Variants in GALNT13 observed in about 807,000 individuals in gnomAD.
GALNT13 encodes the protein polypeptide N-acetylgalactosaminyltransferase 13.
GALNT13 carries 28 observed loss-of-function variants against 64.2 expected under a neutral mutation model. The observed-to-expected ratio is 0.44, with a 90% CI of 0.32 to 0.60. The LOEUF is 0.60. GALNT13 is among the 20% of genes least tolerant of loss of function. The probability of loss-of-function intolerance (pLI) is 0.05; values close to 1 mark genes in which losing one functional copy is unlikely to be tolerated. For synonymous variants in GALNT13, 214 were observed against 224.6 expected, an observed-to-expected ratio of 0.95 and a Z score of 0.42; for missense variants, 577 against 669.8, an observed-to-expected ratio of 0.86 and a Z score of 1.53.
At chr2:153,090,023 T>A in the GALNT13 span, among the ~76,000 whole-genome samples, 18 of 152,176 alleles carry the variant, frequency 1.2e-4, no homozygotes, top group African/African-American at 4.3e-4. Flanking sequence ...TTTTTCATAT[T>A]ACCAGAATTA....
chr2:154,381,446 A>G (rs573836913), intron 9 of GALNT13, among the ~76,000 whole-genome samples: 1 of 152,142 alleles, frequency 6.6e-6, no homozygotes, highest in South Asian at 2.1e-4. Flanking sequence ...TCTCTCAAAT[A>G]CACTTGTAAT....
chr2:154,053,123 T>C (rs1460878624), intron 3 of GALNT13, among the ~76,000 whole-genome samples: 1 of 152,184 alleles, frequency 6.6e-6, no homozygotes, highest in African/African-American at 2.4e-5. Context: ...TTGATAGAAA[T>C]TCAGTTGAAC....
At chr2:153,954,452 T>C (rs1021440420) in intron 3 of GALNT13, among the ~76,000 whole-genome samples, 1 of 152,062 alleles carries the variant, frequency 6.6e-6, no homozygotes, top group African/African-American at 2.4e-5. Flanking sequence ...TTATAAAATT[T>C]TGACCGCTGA....
the GALNT13 span, among the ~76,000 whole-genome samples, chr2:153,715,272 A>C: frequency 1.3e-5 from 2 of 152,262 alleles, no homozygotes; most frequent in East Asian, 3.8e-4. Flanking sequence ...AATTGCTACC[A>C]GTAGCTGAGG....
chr2:154,057,924 T>G (rs1451058531), intron 3 of GALNT13, among the ~76,000 whole-genome samples: 1 of 152,184 alleles, frequency 6.6e-6, no homozygotes, highest in African/African-American at 2.4e-5. Context: ...ATATATTAAT[T>G]TATCCGTTTA....
At chr2:153,635,010 A>T in the GALNT13 span, among the ~76,000 whole-genome samples, 1 of 152,130 alleles carries the variant, frequency 6.6e-6, no homozygotes, top group Admixed American at 6.6e-5. Flanking sequence ...ATTAGGTGCT[A>T]AAGCAGAGTG....
chr2:153,729,717 A>C, the GALNT13 span, among the ~76,000 whole-genome samples: 1 of 152,058 alleles, frequency 6.6e-6, no homozygotes, highest in Non-Finnish European at 1.5e-5. Flanking sequence ...ATGATCTTAT[A>C]CCTAAAAAAT....
intron 12 of GALNT13, among the ~76,000 whole-genome samples, chr2:154,448,995 T>G (rs543398757): frequency 1.1e-4 from 17 of 152,010 alleles, no homozygotes; most frequent in Non-Finnish European, 2.4e-4. Context: ...TAACTAGAAC[T>G]GTCTAGAAAA....
chr2:154,269,218 A>T (rs1221811129), intron 8 of GALNT13, among the ~76,000 whole-genome samples: 1 of 152,118 alleles, frequency 6.6e-6, no homozygotes, highest in East Asian at 1.9e-4. Flanking sequence ...CAGACTTTTT[A>T]AAAATACTTA....
At chr2:153,124,262 T>C in the GALNT13 span, among the ~76,000 whole-genome samples, 54 of 152,356 alleles carry the variant, frequency 3.5e-4, no homozygotes, top group Admixed American at 2.9e-3. Context: ...AAATCTTCAC[T>C]GTATTCTTAT....
At chr2:153,189,666 A>T in the GALNT13 span, among the ~76,000 whole-genome samples, 14 of 152,230 alleles carry the variant, frequency 9.2e-5, no homozygotes, top group East Asian at 2.7e-3. Flanking sequence ...GTTTTTTGAG[A>T]AATCTCCATA....
At chr2:154,236,352 A>G (rs1265416436) in intron 4 of GALNT13, among the ~76,000 whole-genome samples, 1 of 152,140 alleles carries the variant, frequency 6.6e-6, no homozygotes, top group African/African-American at 2.4e-5. Flanking sequence ...TTGAACTTCC[A>G]AAGAGTTTTT....
the GALNT13 span, among the ~76,000 whole-genome samples, chr2:153,116,094 T>C: frequency 6.6e-6 from 1 of 152,178 alleles, no homozygotes; most frequent in Non-Finnish European, 1.5e-5. Flanking sequence ...TTACATTATA[T>C]ATAAAGGACA....
At chr2:154,122,377 G>C (rs971186657) in intron 3 of GALNT13, among the ~76,000 whole-genome samples, 1 of 151,720 alleles carries the variant, frequency 6.6e-6, no homozygotes, top group East Asian at 1.9e-4. Flanking sequence ...AAGAGGTATT[G>C]GTCCATAATT....
chr2:154,127,553 G>A (rs1455991640), intron 3 of GALNT13, among the ~76,000 whole-genome samples: 4 of 151,786 alleles, frequency 2.6e-5, no homozygotes, highest in East Asian at 1.9e-4. Context: ...AAGAGGTGAA[G>A]AGGAAATATC....
intron 3 of GALNT13, among the ~76,000 whole-genome samples, chr2:154,100,202 G>A (rs1047397212): frequency 6.6e-6 from 1 of 151,810 alleles, no homozygotes; most frequent in Admixed American, 6.6e-5. Flanking sequence ...CACATTTTTG[G>A]TTCCATATGA....
intron 4 of GALNT13, among the ~76,000 whole-genome samples, chr2:154,166,491 G>A (rs1484090907): frequency 1.3e-5 from 2 of 152,206 alleles, no homozygotes; most frequent in Non-Finnish European, 2.9e-5. Context: ...GTGCTGGAGA[G>A]GATGTGGAGA....
chr2:153,118,014 A>G, the GALNT13 span, among the ~76,000 whole-genome samples: 4 of 151,876 alleles, frequency 2.6e-5, no homozygotes, highest in Non-Finnish European at 4.4e-5. Flanking sequence ...CTGTGGTCAT[A>G]GCAGGTTTTT....
the GALNT13 span, among the ~76,000 whole-genome samples, chr2:153,863,836 A>C: frequency 1.1e-4 from 16 of 152,176 alleles, no homozygotes; most frequent in African/African-American, 3.6e-4. Context: ...ATTCACGCTC[A>C]AAAAGAGGTA....
Sources: gnomAD v4.1 joint callset for allele counts (sites outside exome capture counted in the v4.1 genomes callset) on GRCh38, gnomAD v4.1.1 for gene constraint, MANE v1.5 for transcripts, NCBI Gene and HGNC (gene_info 2026-07-23, HGNC 2026-07-21) for gene names.